ADCY8: variants seen among roughly 807,000 people sequenced by gnomAD.
ADCY8 encodes adenylate cyclase 8.
Under a neutral mutation model 119.7 loss-of-function variants are expected in ADCY8, and 51 were observed. That is an observed-to-expected ratio of 0.43 (90% CI 0.34 to 0.54). The LOEUF (loss-of-function observed/expected upper bound fraction) is 0.54. ADCY8 is among the 20% of genes least tolerant of loss of function. The pLI is 0.03. For missense variants in ADCY8, 1,383 were observed against 1,598.8 expected (o/e 0.87, Z 2.30); for synonymous variants, 665 against 651.0 (o/e 1.02, Z -0.33).
chr8:130,883,521 T>G (rs565016812), intron 8 of ADCY8, among the ~76,000 whole-genome samples: 38 of 152,324 alleles, frequency 2.5e-4, no homozygotes, highest in Non-Finnish European at 4.3e-4. Flanking sequence ...TCATTGGGAA[T>G]GCTGTATGTG....
chr8:130,835,486 T>C (rs1224998470), intron 12 of ADCY8, among the ~76,000 whole-genome samples: 1 of 152,202 alleles, frequency 6.6e-6, no homozygotes, highest in Non-Finnish European at 1.5e-5. Context: ...TCGCCTCTCA[T>C]CCTTTTCTTC....
At chr8:130,945,990 C>T (rs1378074311) in intron 3 of ADCY8, among the ~76,000 whole-genome samples, 3 of 152,188 alleles carry the variant, frequency 2.0e-5, no homozygotes, top group African/African-American at 7.2e-5. Context: ...TGGCATCCAT[C>T]CTCTTTATTG....
At chr8:130,810,100 C>G (rs1816114261) in intron 14 of ADCY8, among the ~76,000 whole-genome samples, 1 of 152,168 alleles carries the variant, frequency 6.6e-6, no homozygotes, top group African/African-American at 2.4e-5. Context: ...TGGGAGATAC[C>G]TGGCATAAGA....
At chr8:130,983,381 T>A (rs1822295849) in intron 2 of ADCY8, among the ~76,000 whole-genome samples, 1 of 152,086 alleles carries the variant, frequency 6.6e-6, no homozygotes, top group Non-Finnish European at 1.5e-5. Context: ...TGCCTCCCAT[T>A]GGCCGAACCC....
chr8:130,895,411 A>G (rs1819353256), intron 7 of ADCY8, among the ~76,000 whole-genome samples: 1 of 152,148 alleles, frequency 6.6e-6, no homozygotes, highest in Non-Finnish European at 1.5e-5. Flanking sequence ...CCTCAGTCCT[A>G]TCTCTACCTT....
chr8:130,918,645 G>A (rs1172079987), intron 5 of ADCY8, among the ~76,000 whole-genome samples: 1 of 152,234 alleles, frequency 6.6e-6, no homozygotes, highest in Non-Finnish European at 1.5e-5. Flanking sequence ...ACTTAGAACT[G>A]TTTGAGGGAT....
chr8:131,009,106 G>T (rs550159404), intron 1 of ADCY8, among the ~76,000 whole-genome samples: 1 of 152,226 alleles, frequency 6.6e-6, no homozygotes, highest in Non-Finnish European at 1.5e-5. Flanking sequence ...GCCAGCTGGA[G>T]AAATTTGCAT....
chr8:130,927,992 C>T (rs1350145637), intron 5 of ADCY8, among the ~76,000 whole-genome samples: 1 of 152,186 alleles, frequency 6.6e-6, no homozygotes, highest in South Asian at 2.1e-4. Context: ...TAACTCACTG[C>T]AGCCTGAAAC....
At chr8:130,942,515 G>A (rs1820985902) in intron 4 of ADCY8, among the ~76,000 whole-genome samples, 1 of 152,208 alleles carries the variant, frequency 6.6e-6, no homozygotes, top group South Asian at 2.1e-4. Flanking sequence ...ATAGCAGCAT[G>A]TACAATACCT....
At chr8:130,936,917 T>C (rs530521707) in intron 5 of ADCY8, among the ~76,000 whole-genome samples, 156 bp downstream of exon 5, 2 of 152,180 alleles carry the variant, frequency 1.3e-5, no homozygotes, top group South Asian at 4.2e-4. Flanking sequence ...GGTTCATTGG[T>C]TTATATGGGA....
At chr8:130,923,225 G>C (rs2130588543) in intron 5 of ADCY8, among the ~76,000 whole-genome samples, 2 of 151,306 alleles carry the variant, frequency 1.3e-5, no homozygotes, top group African/African-American at 4.9e-5. Flanking sequence ...GAGAAAGAGA[G>C]AAAAGAAAAG....
intron 11 of ADCY8, among the ~76,000 whole-genome samples, chr8:130,846,760 C>T (rs946039032): frequency 9.1e-5 from 12 of 131,450 alleles, no homozygotes; most frequent in African/African-American, 3.6e-4. Context: ...TTCTGTCCTT[C>T]CTTCCCCTTC....
At position 130,810,274 on chromosome 8, in the gene ADCY8, C is replaced by T. The variant is rs1816119759; in HGVS notation, c.2913+3795G>A. On this transcript the variant is annotated intron_variant, in intron 14 of 17. Coordinates refer to ENST00000286355, the MANE Select transcript of ADCY8 (RefSeq NM_001115.3). ...CAGAGAATGAAACTGGGAGTTCTTG[C>T]CGGCCACTACAGTCCTGCCCCTTCC... Among the ~76,000 whole-genome samples, 7 of 152,072 alleles carry T rather than the reference C, an allele frequency of 4.6e-5. No individual in the cohort carries two copies. In the South Asian group the frequency reaches 1.5e-3, roughly 32 times the overall value.
chr8:130,987,813 T>C (rs1240834277), intron 2 of ADCY8, among the ~76,000 whole-genome samples: 1 of 152,206 alleles, frequency 6.6e-6, no homozygotes, highest in African/African-American at 2.4e-5. Flanking sequence ...GCTATGCACT[T>C]AAGGAGAGCC....
At chr8:130,952,868 A>G (rs1821315909) in intron 2 of ADCY8, among the ~76,000 whole-genome samples, 1 of 152,208 alleles carries the variant, frequency 6.6e-6, no homozygotes, top group Non-Finnish European at 1.5e-5. Context: ...AGTGAGCTAC[A>G]CTTACAGAAA....
intron 7 of ADCY8, among the ~76,000 whole-genome samples, chr8:130,902,146 A>G (rs568315785): frequency 1.3e-5 from 2 of 152,310 alleles, no homozygotes; most frequent in Admixed American, 1.3e-4. Flanking sequence ...AAATAAAGAC[A>G]AAACAAAAAC....
chr8:130,821,129 G>A (rs1816495264), intron 13 of ADCY8, among the ~76,000 whole-genome samples: 1 of 152,322 alleles, frequency 6.6e-6, no homozygotes, highest in Non-Finnish European at 1.5e-5. Context: ...TTTTGAAAGA[G>A]ATGTATCCAA....
intron 2 of ADCY8, among the ~76,000 whole-genome samples, chr8:130,977,399 G>A (rs1393931827): frequency 2.6e-5 from 4 of 152,046 alleles, no homozygotes; most frequent in South Asian, 2.1e-4. Context: ...TCATCCATAA[G>A]GTGTAATCCA....
intron 2 of ADCY8, among the ~76,000 whole-genome samples, chr8:130,989,324 G>T (rs143854980): frequency 2.6e-5 from 4 of 152,086 alleles, no homozygotes; most frequent in Admixed American, 2.6e-4. Flanking sequence ...AGAGTCACAC[G>T]GACCTGGCTT....
Sources: allele counts gnomAD v4.1 joint callset (sites outside exome capture counted in the v4.1 genomes callset), GRCh38; gene constraint gnomAD v4.1.1; transcripts MANE v1.5; gene names NCBI Gene and HGNC (gene_info 2026-07-23, HGNC 2026-07-21).